The following NKAIN2 variants were observed in gnomAD, a reference collection of about 807,000 sequenced individuals.
The protein encoded by NKAIN2 is sodium/potassium transporting ATPase interacting 2.
A neutral mutation model predicts 32.6 loss-of-function variants in NKAIN2; 14 were observed. That is an observed-to-expected ratio of 0.43 (90% CI 0.28 to 0.67). The LOEUF is 0.67. Among genes scored for constraint, NKAIN2 ranks in the 30% least tolerant of loss-of-function variants. NKAIN2 has a pLI of 0.17. For synonymous variants in NKAIN2, 80 were observed against 87.2 expected, an observed-to-expected ratio of 0.92 and a Z score of 0.46; for missense variants, 198 against 258.3, an observed-to-expected ratio of 0.77 and a Z score of 1.60.
chr6:124,509,163 C>A (rs756859746), intron 3 of NKAIN2, among the ~76,000 whole-genome samples: 2 of 152,148 alleles, frequency 1.3e-5, no homozygotes, highest in Non-Finnish European at 2.9e-5. Context: ...GCCTTCCCAA[C>A]AAGTAATAAG....
chr6:123,999,782 C>T (rs1225635257), intron 1 of NKAIN2, among the ~76,000 whole-genome samples: 1 of 151,944 alleles, frequency 6.6e-6, no homozygotes, highest in East Asian at 1.9e-4. Flanking sequence ...AGACTATATC[C>T]CTCCCATTAG....
At chr6:124,262,073 G>A (rs1794280241) in intron 1 of NKAIN2, among the ~76,000 whole-genome samples, 1 of 152,050 alleles carries the variant, frequency 6.6e-6, no homozygotes, top group African/African-American at 2.4e-5. Context: ...ATTCACACCT[G>A]TTTATGACCA....
intron 3 of NKAIN2, among the ~76,000 whole-genome samples, chr6:124,361,932 T>C (rs1179962229): frequency 6.6e-6 from 1 of 152,142 alleles, no homozygotes; most frequent in Non-Finnish European, 1.5e-5. Context: ...ATTCTTTTGC[T>C]CAATAAAACC....
intron 2 of NKAIN2, among the ~76,000 whole-genome samples, chr6:124,296,806 G>A (rs1368906321): frequency 6.6e-6 from 1 of 152,166 alleles, no homozygotes; most frequent in Non-Finnish European, 1.5e-5. Flanking sequence ...TAGGATAAAA[G>A]CATTCAATTA....
chr6:124,400,708 T>A (rs1017598679), intron 3 of NKAIN2, among the ~76,000 whole-genome samples: 2 of 152,170 alleles, frequency 1.3e-5, no homozygotes, highest in Admixed American at 6.5e-5. Flanking sequence ...TAATATATAG[T>A]ATAGCACTTT....
intron 1 of NKAIN2, among the ~76,000 whole-genome samples, chr6:123,899,889 C>T (rs2114409077): frequency 6.6e-6 from 1 of 152,202 alleles, no homozygotes. Context: ...GAGTCCTGGG[C>T]AGGGAACACT....
chr6:124,252,356 C>T (rs1341991562), intron 1 of NKAIN2, among the ~76,000 whole-genome samples: 1 of 151,914 alleles, frequency 6.6e-6, no homozygotes, highest in Non-Finnish European at 1.5e-5. Context: ...ATCAGCTTAA[C>T]ATATGTGTTT....
At chr6:124,719,847 TTAAGCC>T in intron 4 of NKAIN2, among the ~76,000 whole-genome samples, 1 of 152,112 alleles carries the variant, frequency 6.6e-6, no homozygotes, top group East Asian at 1.9e-4. Context: ...CTTTAAAAAA[TTAAGCC>T]AATTTAGAAA....
intron 1 of NKAIN2, among the ~76,000 whole-genome samples, chr6:124,072,558 A>G (rs1783510996): frequency 6.6e-6 from 1 of 152,022 alleles, no homozygotes; most frequent in African/African-American, 2.4e-5. Flanking sequence ...TTAAGCCATT[A>G]TTTTCCTTCC....
At chr6:124,797,032 G>GA (rs1374913546) in intron 5 of NKAIN2, among the ~76,000 whole-genome samples, 1 of 151,886 alleles carries the variant, frequency 6.6e-6, no homozygotes, top group African/African-American at 2.4e-5. Flanking sequence ...TTCATCCTCG[G>GA]TTTTTCCCCA....
chr6:124,475,157 A>G (rs978784338), intron 3 of NKAIN2, among the ~76,000 whole-genome samples: 7 of 151,948 alleles, frequency 4.6e-5, no homozygotes, highest in African/African-American at 1.7e-4. Flanking sequence ...TTTGATGAGA[A>G]CAGAAAGCAC....
At position 124,667,580 on chromosome 6, in the gene NKAIN2, G is replaced by A. The variant is rs111798423; in HGVS notation, c.474+9194G>A. ...TGTATATAATATTATTGCCTTTTAG[G>A]ATGATTTTCCAGTCATGATCAGTTA... On this transcript the variant is annotated intron_variant, in intron 4 of 6. Transcript: ENST00000368417. Among the ~76,000 whole-genome samples, 1,267 of 152,044 alleles carry A rather than the reference G, an allele frequency of 8.3e-3. 25 individuals carry two copies. The highest frequency in any genetic ancestry group is 0.029 in the African/African-American group (1,210 of 41,474).
At chr6:124,776,485 G>A (rs1010296224) in intron 4 of NKAIN2, among the ~76,000 whole-genome samples, 2 of 152,146 alleles carry the variant, frequency 1.3e-5, no homozygotes, top group South Asian at 4.2e-4. Flanking sequence ...AGGTCGTGAG[G>A]AAGTACATCA....
intron 1 of NKAIN2, among the ~76,000 whole-genome samples, chr6:124,163,009 C>T (rs1788352529): frequency 1.3e-5 from 2 of 151,672 alleles, no homozygotes; most frequent in South Asian, 4.2e-4. Flanking sequence ...CTGATTCTAC[C>T]CTTATTACAC....
intron 3 of NKAIN2, among the ~76,000 whole-genome samples, chr6:124,400,024 T>C (rs1773559555): frequency 6.6e-6 from 1 of 152,180 alleles, no homozygotes; most frequent in Non-Finnish European, 1.5e-5. Flanking sequence ...CTATGTGAGA[T>C]AAATTGGACT....
At chr6:124,588,978 AT>A in intron 3 of NKAIN2, among the ~76,000 whole-genome samples, 1 of 152,250 alleles carries the variant, frequency 6.6e-6, no homozygotes, top group South Asian at 2.1e-4. Flanking sequence ...CTTTTAATGT[AT>A]TTTTTATAAT....
intron 1 of NKAIN2, among the ~76,000 whole-genome samples, chr6:123,971,073 C>G (rs572346622): frequency 6.6e-6 from 1 of 151,814 alleles, no homozygotes; most frequent in Non-Finnish European, 1.5e-5. Context: ...GGAAATAGGG[C>G]ATAAATCAAT....
intron 1 of NKAIN2, among the ~76,000 whole-genome samples, chr6:124,249,565 C>A (rs555611317): frequency 1.3e-5 from 2 of 151,976 alleles, no homozygotes; most frequent in Non-Finnish European, 2.9e-5. Context: ...CTTACTGAAA[C>A]AATAAGATGC....
At chr6:123,902,092 T>C (rs1774616336) in intron 1 of NKAIN2, among the ~76,000 whole-genome samples, 1 of 152,164 alleles carries the variant, frequency 6.6e-6, no homozygotes, top group African/African-American at 2.4e-5. Flanking sequence ...GAGGGTGGCA[T>C]GTAATTTAAA....
Sources: gnomAD v4.1 joint callset for allele counts (sites outside exome capture counted in the v4.1 genomes callset) on GRCh38, gnomAD v4.1.1 for gene constraint, MANE v1.5 for transcripts, NCBI Gene and HGNC (gene_info 2026-07-23, HGNC 2026-07-21) for gene names.